The following TNRC6A variants were observed in gnomAD, a reference collection of about 807,000 sequenced individuals.
TNRC6A encodes the protein trinucleotide repeat-containing gene 6A protein.
Under a neutral mutation model 221.2 loss-of-function variants are expected in TNRC6A, and 44 were observed. The ratio of observed to expected loss-of-function variants is 0.20; its 90% confidence interval spans 0.16 to 0.26. TNRC6A has a LOEUF of 0.26. Ranked by LOEUF, TNRC6A falls within the 10% of genes least tolerant of loss-of-function variation. TNRC6A has a pLI of 1.00. For missense variants in TNRC6A, 2,199 were observed against 2,404.4 expected, an observed-to-expected ratio of 0.91 and a Z score of 1.79; for synonymous variants, 847 against 838.5, an observed-to-expected ratio of 1.01 and a Z score of -0.18.
At chr16:24,798,922 C>T (rs865908422) in intron 11 of TNRC6A, among the ~76,000 whole-genome samples, 4 of 152,164 alleles carry the variant, frequency 2.6e-5, no homozygotes, top group Non-Finnish European at 5.9e-5. Flanking sequence ...ATAGCATGCC[C>T]AAGAAAGAAC....
chr16:24,825,280 A>G lies in TNRC6A; in HGVS notation c.*1473A>G, dbSNP rs929619405. 1 of 152,654 alleles carries G rather than the reference A, an allele frequency of 6.6e-6. No individual in the cohort carries two copies. Among genetic ancestry groups the G allele is most frequent in the Non-Finnish European group, 1.5e-5 (1 of 68,052 alleles). 9.5% of individuals were successfully genotyped at this position (152,654 alleles called of 1,614,324 possible). A position where few individuals can be genotyped will look rare whatever the true frequency, so the allele number is the denominator to read the frequency against. On this transcript the variant is annotated 3_prime_UTR_variant, in exon 25 of 25. Coordinates refer to ENST00000395799, the MANE Select transcript of TNRC6A (RefSeq NM_014494.4). The stretch of plus-strand genomic sequence containing the variant: ...AAACAAGGGTAAAAATTTTAACAGT[A>G]CAGAATTTGCCATCATATCATTGCC...
chr16:24,788,937 C>T lies in TNRC6A; in HGVS notation c.590-295C>T, dbSNP rs973933890. 5.3e-5 allele frequency among the ~76,000 whole-genome samples: 8 copies of T among 152,310 alleles called. No individual in the cohort carries two copies. The East Asian group carries it at 9.6e-4, about 18-fold the overall frequency. On this transcript the variant is annotated intron_variant, in intron 5 of 24. Transcript: ENST00000395799. ...TGCTGGGATTACAAGCGTGAGCCAC[C>T]ACGCCCGGCCCAAAATTCTTTTATT...
intron 2 of TNRC6A, among the ~76,000 whole-genome samples, chr16:24,691,107 G>A (rs995107813): frequency 6.6e-6 from 1 of 151,980 alleles, no homozygotes; most frequent in South Asian, 2.1e-4. Context: ...ACCGCACCTG[G>A]CCCCTGATGA....
At chr16:24,701,876 A>C (rs950123832) in intron 2 of TNRC6A, among the ~76,000 whole-genome samples, 2 of 152,088 alleles carry the variant, frequency 1.3e-5, no homozygotes, top group Admixed American at 6.6e-5. Context: ...TTCCAAGGTT[A>C]ATTCTTCCAC....
At chr16:24,806,095 G>A in intron 15 of TNRC6A, 111 bp from the exon 16 acceptor site, 1 of 1,140,394 alleles carries the variant, frequency 8.8e-7, no homozygotes. Flanking sequence ...AGACATGTTG[G>A]CATTGGCTAG....
chr16:24,712,805 G>A (rs2056228779), intron 2 of TNRC6A, among the ~76,000 whole-genome samples: 1 of 152,170 alleles, frequency 6.6e-6, no homozygotes, highest in South Asian at 2.1e-4. Context: ...CCAGGCTAGA[G>A]TGCAGTGGCA....
intron 2 of TNRC6A, among the ~76,000 whole-genome samples, chr16:24,693,310 G>GACGC (rs1319189222): frequency 1.3e-5 from 2 of 152,036 alleles, no homozygotes; most frequent in Non-Finnish European, 2.9e-5. Flanking sequence ...AATTAGGCCA[G>GACGC]ACGCAGTAGC....
At position 24,824,378 on chromosome 16, in the gene TNRC6A, A is replaced by G. The variant is rs1045459530; in HGVS notation, c.*571A>G. 6.6e-6 allele frequency: 1 copy of G among 152,570 alleles called. No individual in the cohort carries two copies. The highest frequency in any genetic ancestry group is 1.5e-5 in the Non-Finnish European group (1 of 68,032). 9.5% of individuals were successfully genotyped at this position (152,570 alleles called of 1,614,324 possible). Reference sequence around the variant, plus strand: ...CAAGTTAGGATGCTGACTTAGGATTATTAATGAAAGTGTTGCACCAGTTTT... The same window carrying G: ...CAAGTTAGGATGCTGACTTAGGATTGTTAATGAAAGTGTTGCACCAGTTTT... On this transcript the variant is annotated 3_prime_UTR_variant, in exon 25 of 25. Transcript: ENST00000395799.
chr16:24,713,340 C>T lies in TNRC6A; in HGVS notation n.403-37386C>T, dbSNP rs201070323. On this transcript the variant is annotated intron_variant and non_coding_transcript_variant, in intron 2 of 2. Transcript: ENST00000566108. Reference sequence around the variant, plus strand: ...AACTGAAGCACAAGAATTGCCTGAACCTGGGAGGCAGAGGTTGCAGTGAGC... The same window carrying T: ...AACTGAAGCACAAGAATTGCCTGAATCTGGGAGGCAGAGGTTGCAGTGAGC... Among the ~76,000 whole-genome samples the T allele has an allele frequency of 5.9e-5, 9 of 152,104 alleles. 1 individual carries two copies. The East Asian group carries it at 1.7e-3, about 30-fold the overall frequency.
chr16:24,611,423 T>G (rs755457433), intron 1 of TNRC6A, among the ~76,000 whole-genome samples: 1 of 152,152 alleles, frequency 6.6e-6, no homozygotes, highest in Non-Finnish European at 1.5e-5. Flanking sequence ...GGAGGTGGTT[T>G]CTTGGCTCCA....
At chr16:24,684,253 A>G (rs1473551085) in intron 2 of TNRC6A, among the ~76,000 whole-genome samples, 1 of 151,838 alleles carries the variant, frequency 6.6e-6, no homozygotes, top group Non-Finnish European at 1.5e-5. Flanking sequence ...TAAAATAAAC[A>G]AGATTAGCTA....
rs538532359 is a variant in TNRC6A, at chr16:24,756,117, A to G, written c.142-2222A>G. Among the ~76,000 whole-genome samples the G allele has an allele frequency of 1.9e-4, 29 of 152,240 alleles. No individual in the cohort carries two copies. The South Asian group carries it at 6.0e-3, about 32-fold the overall frequency. ...TTTTATATAACCTAATATAGCTAAA[A>G]TGTTACTATTTTGACATGTCAGTAT... On this transcript the variant is annotated intron_variant, in intron 3 of 24. Transcript: ENST00000395799.
intron 2 of TNRC6A, among the ~76,000 whole-genome samples, chr16:24,707,356 A>G (rs955225486): frequency 7.8e-5 from 7 of 90,210 alleles, no homozygotes; most frequent in Admixed American, 2.9e-4. Flanking sequence ...GGGCGCACAC[A>G]CACACACACA....
chr16:24,632,982 C>A (rs1901426006), intron 1 of TNRC6A, among the ~76,000 whole-genome samples: 1 of 147,612 alleles, frequency 6.8e-6, no homozygotes, highest in African/African-American at 2.5e-5. Flanking sequence ...GCACTCCAGC[C>A]TGGGTGACAA....
chr16:24,698,917 C>G (rs565432338), intron 2 of TNRC6A, among the ~76,000 whole-genome samples: 1 of 152,228 alleles, frequency 6.6e-6, no homozygotes, highest in South Asian at 2.1e-4. Context: ...ACTATGTTGG[C>G]CAGGCTGGTC....
At chr16:24,610,339 C>G (rs982189578) in exon 1 of TNRC6A, 8 of 152,328 alleles carry the variant, frequency 5.3e-5, no homozygotes, top group African/African-American at 1.7e-4. Context: ...CTCCCCATCG[C>G]TGGGTTCAGT....
intron 2 of TNRC6A, among the ~76,000 whole-genome samples, chr16:24,678,323 A>T (rs1205526239): frequency 6.6e-6 from 1 of 151,790 alleles, no homozygotes; most frequent in African/African-American, 2.4e-5. Context: ...AAAAAAAAAA[A>T]AAAAATAGGC....
chr16:24,701,198 A>C (rs145809526), intron 2 of TNRC6A, among the ~76,000 whole-genome samples: 8 of 152,312 alleles, frequency 5.3e-5, no homozygotes, highest in African/African-American at 1.7e-4. Flanking sequence ...GAGATGACTC[A>C]GGCGGAGACT....
intron 5 of TNRC6A, among the ~76,000 whole-genome samples, chr16:24,781,171 A>C (rs2057837658): frequency 6.8e-6 from 1 of 146,442 alleles, no homozygotes; most frequent in Non-Finnish European, 1.5e-5. Flanking sequence ...CTCCCACCTC[A>C]GTGAGTCTCC....
Sources: allele counts gnomAD v4.1 joint callset (sites outside exome capture counted in the v4.1 genomes callset), GRCh38; gene constraint gnomAD v4.1.1; transcripts MANE v1.5; gene names NCBI Gene and HGNC (gene_info 2026-07-23, HGNC 2026-07-21).